RASSF8: variants seen among roughly 807,000 people sequenced by gnomAD.
RASSF8 encodes the protein ras association domain-containing protein 8.
A neutral mutation model predicts 48.5 loss-of-function variants in RASSF8; 22 were observed. The ratio of observed to expected loss-of-function variants is 0.45; its 90% confidence interval spans 0.32 to 0.65. The LOEUF (loss-of-function observed/expected upper bound fraction) is 0.65, where lower values mean the gene tolerates loss of function less well. RASSF8 is among the 30% of genes least tolerant of loss of function. RASSF8 has a pLI of 0.03. For synonymous variants in RASSF8, 127 were observed against 171.5 expected, an observed-to-expected ratio of 0.74 and a Z score of 2.03; for missense variants, 418 against 489.2, an observed-to-expected ratio of 0.85 and a Z score of 1.37.
At chr12:25,990,146 A>T (rs1204394833) in intron 1 of RASSF8, among the ~76,000 whole-genome samples, 1 of 152,162 alleles carries the variant, frequency 6.6e-6, no homozygotes, top group Admixed American at 6.5e-5. Flanking sequence ...AACTTTGTAT[A>T]ACCTGTATAA....
chr12:26,073,777 A>G (rs1444768498), downstream of RASSF8, among the ~76,000 whole-genome samples: 2 of 97,780 alleles, frequency 2.0e-5, no homozygotes, highest in Non-Finnish European at 4.2e-5. Context: ...ACACACACAC[A>G]TATATATATA....
intron 2 of RASSF8, among the ~76,000 whole-genome samples, chr12:26,006,857 G>A (rs559770404): frequency 6.6e-6 from 1 of 152,264 alleles, no homozygotes; most frequent in South Asian, 2.1e-4. Context: ...CACTAAAATC[G>A]AGTTTAACAA....
intron 2 of RASSF8, among the ~76,000 whole-genome samples, chr12:26,038,309 A>G (rs1268225659): frequency 6.6e-6 from 1 of 152,172 alleles, no homozygotes; most frequent in Non-Finnish European, 1.5e-5. Context: ...TAAAAACTGT[A>G]GTTTTGACTG....
intron 1 of RASSF8, among the ~76,000 whole-genome samples, chr12:25,963,353 C>T (rs1389729710): frequency 1.4e-5 from 2 of 147,346 alleles, no homozygotes; most frequent in African/African-American, 5.0e-5. Context: ...AGTCTCATGA[C>T]CTTCCAAGGC....
intron 2 of RASSF8, among the ~76,000 whole-genome samples, chr12:26,021,934 GC>G (rs1203392467): frequency 2.0e-5 from 3 of 152,162 alleles, no homozygotes; most frequent in Non-Finnish European, 4.4e-5. Flanking sequence ...GCAAATAAGA[GC>G]CCACTGCTAG....
chr12:25,979,928 C>T (rs1941699368), intron 1 of RASSF8, among the ~76,000 whole-genome samples: 1 of 152,134 alleles, frequency 6.6e-6, no homozygotes, highest in Non-Finnish European at 1.5e-5. Flanking sequence ...GGGAAGGCAG[C>T]TGCCAGCTTT....
rs145653726 is a variant in RASSF8, at chr12:25,975,341, A to G, written c.-203+16193A>G. On this transcript the variant is annotated intron_variant, in intron 1 of 5. Coordinates refer to ENST00000689635, the MANE Select transcript of RASSF8 (RefSeq NM_001394098.1). ...GAATACTTACCCACCCCACCAGGGT[A>G]AAGGATGTTCATGCTGTACTAGAGT... 5.0e-4 allele frequency among the ~76,000 whole-genome samples: 76 copies of G among 152,344 alleles called. No individual in the cohort carries two copies. In the East Asian group the frequency reaches 0.01, roughly 20 times the overall value.
At chr12:26,039,292 G>A (rs1490381940) in intron 2 of RASSF8, among the ~76,000 whole-genome samples, 1 of 152,176 alleles carries the variant, frequency 6.6e-6, no homozygotes, top group Non-Finnish European at 1.5e-5. Context: ...GCTGCTCATA[G>A]TTCCCTTGTG....
chr12:26,021,245 A>C (rs540908971), intron 2 of RASSF8, among the ~76,000 whole-genome samples: 1 of 152,344 alleles, frequency 6.6e-6, no homozygotes, highest in Non-Finnish European at 1.5e-5. Flanking sequence ...ATGAAGAAAC[A>C]TATATTTAAG....
At chr12:25,980,307 C>A (rs940621879) in intron 1 of RASSF8, among the ~76,000 whole-genome samples, 1 of 152,086 alleles carries the variant, frequency 6.6e-6, no homozygotes, top group African/African-American at 2.4e-5. Context: ...TGACTCTTTC[C>A]GTAATCTATT....
At chr12:26,035,122 C>A (rs1943105475) in intron 2 of RASSF8, among the ~76,000 whole-genome samples, 1 of 152,026 alleles carries the variant, frequency 6.6e-6, no homozygotes, top group Non-Finnish European at 1.5e-5. Context: ...ATGAACTTCT[C>A]TTCTAGGCTG....
chr12:26,035,503 AATT>A (rs1334918753), intron 2 of RASSF8, among the ~76,000 whole-genome samples: 4 of 124,802 alleles, frequency 3.2e-5, no homozygotes, highest in Non-Finnish European at 5.3e-5. Context: ...GAAATTATAT[AATT>A]ATATAATATA....
intron 1 of RASSF8, among the ~76,000 whole-genome samples, chr12:25,969,892 G>A (rs192444961): frequency 6.6e-6 from 1 of 152,102 alleles, no homozygotes; most frequent in African/African-American, 2.4e-5. Flanking sequence ...AAATGTGCCA[G>A]TGGCATCCTG....
downstream of RASSF8, among the ~76,000 whole-genome samples, chr12:26,077,565 A>G (rs138492535): frequency 1.7e-3 from 254 of 152,192 alleles, 3 homozygotes; most frequent in East Asian, 0.038. Context: ...CAAAGATCAG[A>G]TGGTTGTAGA....
intron 1 of RASSF8, among the ~76,000 whole-genome samples, chr12:25,961,404 T>C (rs1941231103): frequency 6.6e-6 from 1 of 152,190 alleles, no homozygotes; most frequent in African/African-American, 2.4e-5. Context: ...AATTAAAGAT[T>C]TGGATTACAA....
chr12:26,029,219 C>T (rs990821175), intron 2 of RASSF8, among the ~76,000 whole-genome samples: 1 of 152,218 alleles, frequency 6.6e-6, no homozygotes, highest in Admixed American at 6.5e-5. Context: ...TGCAGCTCTC[C>T]TCTTCTCCAT....
intron 2 of RASSF8, among the ~76,000 whole-genome samples, chr12:26,053,314 G>T (rs955528212): frequency 6.6e-6 from 1 of 151,784 alleles, no homozygotes; most frequent in East Asian, 1.9e-4. Context: ...GAATAAGAAG[G>T]CACTTTAAAT....
At chr12:25,983,171 A>T (rs1421114772) in intron 1 of RASSF8, among the ~76,000 whole-genome samples, 1 of 152,262 alleles carries the variant, frequency 6.6e-6, no homozygotes, top group Non-Finnish European at 1.5e-5. Flanking sequence ...TGTCAGAAAG[A>T]ATGTAAAATA....
At chr12:26,079,320 C>A (rs886984448) in exon 6 of RASSF8, 5 of 311,772 alleles carry the variant, frequency 1.6e-5, no homozygotes, top group African/African-American at 1.1e-4. Context: ...CATGGTGGCT[C>A]ACGCCTGTAA....
Sources: allele counts gnomAD v4.1 joint callset (sites outside exome capture counted in the v4.1 genomes callset), GRCh38; gene constraint gnomAD v4.1.1; transcripts MANE v1.5; gene names NCBI Gene and HGNC (gene_info 2026-07-23, HGNC 2026-07-21).